Variants in PRKCH observed in about 807,000 individuals in gnomAD.
The protein encoded by PRKCH is protein kinase C eta.
A neutral mutation model predicts 82.5 loss-of-function variants in PRKCH; 28 were observed. That is an observed-to-expected ratio of 0.34 (90% CI 0.25 to 0.47). The LOEUF is 0.47. PRKCH is among the 20% of genes least tolerant of loss of function. The probability of loss-of-function intolerance (pLI) is 1.00; values close to 1 mark genes in which losing one functional copy is unlikely to be tolerated. For synonymous variants in PRKCH, 322 were observed against 327.4 expected, an observed-to-expected ratio of 0.98 and a Z score of 0.18; for missense variants, 705 against 881.8, an observed-to-expected ratio of 0.80 and a Z score of 2.54.
intron 1 of PRKCH, among the ~76,000 whole-genome samples, chr14:61,249,902 A>C (rs866164733): frequency 4.0e-5 from 6 of 150,176 alleles, no homozygotes; most frequent in East Asian, 4.0e-4. Flanking sequence ...TACAGGCGTG[A>C]GCCACCACGC....
intron 9 of PRKCH, among the ~76,000 whole-genome samples, chr14:61,458,919 A>G (rs554874840): frequency 6.6e-6 from 1 of 152,282 alleles, no homozygotes; most frequent in South Asian, 2.1e-4. Context: ...TCAACATGAG[A>G]TCTGGGTGGG....
At chr14:61,466,624 A>G (rs1278940981) in intron 9 of PRKCH, among the ~76,000 whole-genome samples, 1 of 152,164 alleles carries the variant, frequency 6.6e-6, no homozygotes, top group East Asian at 1.9e-4. Context: ...AAAACAGAAG[A>G]CACTTGTGGC....
chr14:61,267,047 T>C (rs370140498), intron 1 of PRKCH, among the ~76,000 whole-genome samples: 72 of 152,344 alleles, frequency 4.7e-4, no homozygotes, highest in African/African-American at 1.7e-3. Flanking sequence ...TATCACAGCA[T>C]GTTTTCCATT....
intron 1 of PRKCH, among the ~76,000 whole-genome samples, chr14:61,238,041 G>GT (rs1401275132): frequency 6.6e-6 from 1 of 152,242 alleles, no homozygotes; most frequent in East Asian, 1.9e-4. Context: ...TTGCAAAGTA[G>GT]TAACAGTCTG....
chr14:61,399,029 TAAAAC>T (rs372361358), intron 2 of PRKCH, among the ~76,000 whole-genome samples: 80 of 152,286 alleles, frequency 5.3e-4, no homozygotes, highest in Non-Finnish European at 1.0e-3. Context: ...TGTGGTTACT[TAAAAC>T]AAAAAGAACA....
In PRKCH at chr14:61,196,153, C is replaced by T. The variant is rs7151568; in HGVS notation, c.-19+8485C>T. ...ATTAAAAAAAGATGCTAAAGCATAA[C>T]ATTGGATCCTGGAGGGAAGGAGAAA... On this transcript the variant is annotated intron_variant, in intron 1 of 3. Coordinates refer to the PRKCH transcript ENST00000555185. Among the ~76,000 whole-genome samples, 441 of 152,166 alleles carry T rather than the reference C, an allele frequency of 2.9e-3. 1 individual carries two copies. Among genetic ancestry groups the T allele is most frequent in the African/African-American group, 0.01 (421 of 41,512 alleles).
intron 1 of PRKCH, among the ~76,000 whole-genome samples, chr14:61,348,348 G>A (rs991868229): frequency 6.6e-6 from 1 of 152,148 alleles, no homozygotes; most frequent in East Asian, 1.9e-4. Context: ...GAAAAAGCTC[G>A]TGGATGAAAA....
chr14:61,336,976 T>C (rs1427679343), intron 1 of PRKCH, among the ~76,000 whole-genome samples: 1 of 145,720 alleles, frequency 6.9e-6, no homozygotes, highest in Non-Finnish European at 1.5e-5. Flanking sequence ...GGCTGAGGCA[T>C]GAGAATTGCT....
At position 61,389,926 on chromosome 14, in the gene PRKCH, G is replaced by A. The variant is rs188696566; in HGVS notation, c.364-1299G>A. Among the ~76,000 whole-genome samples the A allele has an allele frequency of 2.0e-5, 3 of 152,230 alleles. No homozygotes were observed. The East Asian group carries it at 5.8e-4, about 29-fold the overall frequency. The stretch of plus-strand genomic sequence containing the variant: ...AATATTTGACCAAAAATGGTCATTC[G>A]TATCTCTAGTGAAACTTCTCTATAT... On this transcript the variant is annotated intron_variant, in intron 1 of 13. Transcript: ENST00000332981.
At chr14:61,492,619 T>C (rs533871460) in intron 10 of PRKCH, among the ~76,000 whole-genome samples, 1 of 152,348 alleles carries the variant, frequency 6.6e-6, no homozygotes, top group African/African-American at 2.4e-5. Context: ...GTTTACTCCA[T>C]TGCAGTGAGA....
At chr14:61,431,784 C>T (rs1475983313) in intron 2 of PRKCH, among the ~76,000 whole-genome samples, 1 of 152,182 alleles carries the variant, frequency 6.6e-6, no homozygotes, top group East Asian at 1.9e-4. Flanking sequence ...ATTATACAAT[C>T]ACTTCTTTTT....
chr14:61,490,990 G>A (rs1019996023), intron 10 of PRKCH, among the ~76,000 whole-genome samples: 1 of 152,030 alleles, frequency 6.6e-6, no homozygotes, highest in African/African-American at 2.4e-5. Context: ...GAGTTACTGT[G>A]CACTCTCTCT....
intron 9 of PRKCH, among the ~76,000 whole-genome samples, 195 bp downstream of exon 9, chr14:61,457,874 C>T (rs1386945764): frequency 6.6e-6 from 1 of 152,188 alleles, no homozygotes; most frequent in Non-Finnish European, 1.5e-5. Context: ...TCACCCCTTC[C>T]CCTTGTGCTG....
intron 1 of PRKCH, among the ~76,000 whole-genome samples, chr14:61,200,969 A>G (rs938135434): frequency 3.9e-5 from 6 of 152,256 alleles, no homozygotes; most frequent in African/African-American, 1.4e-4. Context: ...TCATTCAACA[A>G]GAAAATAGGC....
In PRKCH at chr14:61,263,179, C is replaced by T. The variant is rs575084631; in HGVS notation, c.-19+75511C>T. On this transcript the variant is annotated intron_variant, in intron 1 of 3. Transcript: ENST00000555185. The stretch of plus-strand genomic sequence containing the variant: ...TGATCCTCTCTCCCTCCCATTCTCC[C>T]TTATTCCCTCTCATTCAAAGCAGTC... 3.1e-4 allele frequency among the ~76,000 whole-genome samples: 47 copies of T among 152,314 alleles called. No individual in the cohort carries two copies. The South Asian group carries it at 9.6e-3, about 31-fold the overall frequency.
intron 9 of PRKCH, among the ~76,000 whole-genome samples, chr14:61,482,195 C>T (rs191839966): frequency 4.2e-4 from 64 of 152,062 alleles, no homozygotes; most frequent in Admixed American, 2.1e-3. Context: ...CGGGGTTTCA[C>T]CACGTTGCCC....
In PRKCH at chr14:61,457,827, C is replaced by A. The variant is rs1884848994; in HGVS notation, c.1278+148C>A. The A allele has an allele frequency of 4.7e-6, 5 of 1,066,094 alleles. No homozygotes were observed. In the South Asian group the frequency reaches 6.3e-5, roughly 13 times the overall value. 66.0% of individuals were successfully genotyped at this position (1,066,094 alleles called of 1,614,324 possible). A position where few individuals can be genotyped will look rare whatever the true frequency, so the allele number is the denominator to read the frequency against. ...GGTCATATGGAGGTATTGGTGACTT[C>A]TGCCAACCTCTGGAGGAAAAATGGA... On this transcript the variant is annotated intron_variant, in intron 9 of 13. Coordinates refer to ENST00000332981, the MANE Select transcript of PRKCH (RefSeq NM_006255.5).
chr14:61,371,892 C>T (rs934064521), intron 1 of PRKCH, among the ~76,000 whole-genome samples: 15 of 151,954 alleles, frequency 9.9e-5, no homozygotes, highest in African/African-American at 3.2e-4. Flanking sequence ...TGTCTATTCT[C>T]CCCCATTTAT....
At chr14:61,379,885 G>A (rs1594641194) in intron 1 of PRKCH, among the ~76,000 whole-genome samples, 1 of 152,162 alleles carries the variant, frequency 6.6e-6, no homozygotes, top group Non-Finnish European at 1.5e-5. Context: ...AGCTCATGTG[G>A]AAAGTGCTTT....
Sources: gnomAD v4.1 joint callset for allele counts (sites outside exome capture counted in the v4.1 genomes callset) on GRCh38, gnomAD v4.1.1 for gene constraint, MANE v1.5 for transcripts, NCBI Gene and HGNC (gene_info 2026-07-23, HGNC 2026-07-21) for gene names.